Variants in CLOCK observed in about 807,000 individuals in gnomAD.
CLOCK encodes clock circadian regulator, also known as circadian locomoter output cycles protein kaput.
In CLOCK, 43 loss-of-function variants were observed where a neutral mutation model predicts 118.4. That is an observed-to-expected ratio of 0.36 (90% confidence interval 0.28 to 0.47). The LOEUF (loss-of-function observed/expected upper bound fraction) is 0.47, where lower values mean the gene tolerates loss of function less well. Ranked by LOEUF, CLOCK falls within the 20% of genes least tolerant of loss-of-function variation. CLOCK has a pLI of 1.00. For synonymous variants in CLOCK, 326 were observed against 339.2 expected, an observed-to-expected ratio of 0.96 and a Z score of 0.43; for missense variants, 846 against 999.9, an observed-to-expected ratio of 0.85 and a Z score of 2.08.
intron 6 of CLOCK, 119 bp from the exon 7 acceptor site, chr4:55,476,173 T>C (rs781136921): frequency 2.0e-5 from 14 of 708,002 alleles, no homozygotes; most frequent in Middle Eastern, 2.4e-4. Flanking sequence ...GCATTAACAT[T>C]TATTGGGTAG....
intron 2 of CLOCK, among the ~76,000 whole-genome samples, chr4:55,506,498 A>G (rs6849433): frequency 0.34 from 51,377 of 152,086 alleles, 9,381 homozygotes; most frequent in East Asian, 0.58. Context: ...AGAAGACTTA[A>G]ATAAAAAAAA....
At chr4:55,463,399 A>G (rs1725510420) in intron 9 of CLOCK, among the ~76,000 whole-genome samples, 1 of 152,104 alleles carries the variant, frequency 6.6e-6, no homozygotes, top group Non-Finnish European at 1.5e-5. Context: ...TAATAACTAT[A>G]TATTGCCAGG....
intron 3 of CLOCK, among the ~76,000 whole-genome samples, chr4:55,483,421 CA>C (rs1422501318): frequency 1.3e-5 from 2 of 152,152 alleles, no homozygotes; most frequent in African/African-American, 4.8e-5. Context: ...GTCAGGGAGT[CA>C]AAATTCTTTT....
chr4:55,450,259 T>TA (rs1490849587), intron 15 of CLOCK, 27 bp from the exon 16 acceptor site: 4 of 1,613,548 alleles, frequency 2.5e-6, no homozygotes, highest in Non-Finnish European at 2.5e-6. Flanking sequence ...AAATAAATGT[T>TA]TTCTTGTGGT....
intron 2 of CLOCK, among the ~76,000 whole-genome samples, chr4:55,493,178 A>C (rs970159442): frequency 3.9e-5 from 6 of 152,198 alleles, no homozygotes; most frequent in African/African-American, 1.4e-4. Flanking sequence ...CCAGAGAACA[A>C]AAACTTAACA....
At chr4:55,544,865 T>C (rs1731503604) in intron 1 of CLOCK, among the ~76,000 whole-genome samples, 1 of 152,184 alleles carries the variant, frequency 6.6e-6, no homozygotes, top group South Asian at 2.1e-4. Flanking sequence ...CATAAACTTG[T>C]ATTATTACAC....
At chr4:55,488,000 G>T (rs998350566) in intron 3 of CLOCK, among the ~76,000 whole-genome samples, 6 of 152,152 alleles carry the variant, frequency 3.9e-5, no homozygotes, top group African/African-American at 1.4e-4. Context: ...ATCTCTAGCA[G>T]TTTCCCATAT....
At chr4:55,492,779 A>C (rs997524193) in intron 2 of CLOCK, among the ~76,000 whole-genome samples, 1 of 152,178 alleles carries the variant, frequency 6.6e-6, no homozygotes, top group African/African-American at 2.4e-5. Context: ...CAGGAAGCGG[A>C]GGTTGCAGTG....
intron 2 of CLOCK, among the ~76,000 whole-genome samples, chr4:55,504,411 A>C (rs1281718219): frequency 6.6e-6 from 1 of 152,154 alleles, no homozygotes; most frequent in South Asian, 2.1e-4. Flanking sequence ...GAATGAAATA[A>C]ATATTAAATG....
intron 18 of CLOCK, among the ~76,000 whole-genome samples, chr4:55,446,551 G>T (rs987452632): frequency 2.6e-4 from 40 of 152,232 alleles, no homozygotes; most frequent in African/African-American, 8.7e-4. Flanking sequence ...ACTATCCTCA[G>T]ATAAGTATAG....
In CLOCK at chr4:55,431,376, ATATAC is replaced by A. The variant is rs1353415181; in HGVS notation, c.*4034_*4038del. ...TTATAGTTATATACAAATATATTAA[ATATAC>A]TATAAAAATAGTCGATTCTATTCCT... On this transcript the variant is annotated 3_prime_UTR_variant, in exon 23 of 23. Coordinates refer to ENST00000513440, the MANE Select transcript of CLOCK (RefSeq NM_004898.4). 3 of 152,202 alleles carry A rather than the reference ATATAC, an allele frequency of 2.0e-5. No individual in the cohort carries two copies. The highest frequency in any genetic ancestry group is 4.4e-5 in the Non-Finnish European group (3 of 68,028). The allele number at this position is 152,202 out of a possible 1,614,324, so 9.4% of individuals were successfully genotyped here.
chr4:55,494,427 G>T (rs1191368560), intron 2 of CLOCK, among the ~76,000 whole-genome samples: 5 of 152,182 alleles, frequency 3.3e-5, no homozygotes, highest in Non-Finnish European at 7.3e-5. Context: ...CATTATCCAA[G>T]TGGGTCCAAA....
Position 55,446,104 on chromosome 4 carries a change from T to TC in CLOCK, c.1540-1320_1540-1319insG, listed in dbSNP as rs66984061. ...TTACTGGAAAAAAATTTAACTTCTT[T>TC]TTTTTTTTTTTTTTTTTGAGACAGA... On this transcript the variant is annotated intron_variant, in intron 18 of 22. Coordinates refer to ENST00000513440, the MANE Select transcript of CLOCK (RefSeq NM_004898.4). Among the ~76,000 whole-genome samples the TC allele has an allele frequency of 8.8e-5, 3 of 33,910 alleles. No homozygotes were observed. The East Asian group carries it at 4.6e-3, about 52-fold the overall frequency. The allele number at this position is 33,910 out of a possible 152,430, so 22.2% of individuals were successfully genotyped here.
In CLOCK at chr4:55,437,675, G is replaced by A. The variant is rs191000367; in HGVS notation, c.2361+607C>T. Among the ~76,000 whole-genome samples the A allele has an allele frequency of 4.6e-5, 7 of 152,222 alleles. No individual in the cohort carries two copies. In the East Asian group the frequency reaches 1.4e-3, roughly 29 times the overall value. Reference sequence around the variant, plus strand: ...AATTATTATGACCTCCACTTTACACGTGACGTTTACCAAGAGTAAGCAACC... The same window carrying A: ...AATTATTATGACCTCCACTTTACACATGACGTTTACCAAGAGTAAGCAACC... On this transcript the variant is annotated intron_variant, in intron 22 of 22. Transcript: ENST00000513440.
intron 18 of CLOCK, among the ~76,000 whole-genome samples, 176 bp downstream of exon 18, chr4:55,448,603 T>C (rs6854356): frequency 0.24 from 6,656 of 27,378 alleles, 146 homozygotes; most frequent in African/African-American, 0.4. Context: ...CACGCGCGCG[T>C]GTGTGTGTGT....
intron 2 of CLOCK, among the ~76,000 whole-genome samples, chr4:55,504,302 A>C (rs1194091015): frequency 6.6e-6 from 1 of 150,750 alleles, no homozygotes; most frequent in Non-Finnish European, 1.5e-5. Flanking sequence ...AAAAAAAAAA[A>C]AAAAACACAA....
At chr4:55,509,843 A>G (rs1438540145) in intron 2 of CLOCK, 69 bp downstream of exon 2, 2 of 152,176 alleles carry the variant, frequency 1.3e-5, no homozygotes, top group Non-Finnish European at 2.9e-5. Flanking sequence ...TCCTTGTCCT[A>G]TGCTTCCACC....
chr4:55,444,533 CG>C, intron 19 of CLOCK, 99 bp downstream of exon 19: 1 of 1,375,576 alleles, frequency 7.3e-7, no homozygotes, highest in Non-Finnish European at 1.0e-6. Flanking sequence ...ATTGATAAAA[CG>C]TATCTCTTGC....
chr4:55,479,775 C>T, intron 4 of CLOCK, 76 bp from the exon 5 acceptor site: 4 of 1,100,940 alleles, frequency 3.6e-6, no homozygotes, highest in East Asian at 4.7e-5. Flanking sequence ...TGTAAATCAA[C>T]TCAGTTATGC....
Sources: allele counts gnomAD v4.1 joint callset (sites outside exome capture counted in the v4.1 genomes callset), GRCh38; gene constraint gnomAD v4.1.1; transcripts MANE v1.5; gene names NCBI Gene and HGNC (gene_info 2026-07-23, HGNC 2026-07-21).